CIBAR1: variants seen among roughly 807,000 people sequenced by gnomAD.
The protein encoded by CIBAR1 is CBY1-interacting BAR domain-containing protein 1.
Under a neutral mutation model 44.0 loss-of-function variants are expected in CIBAR1, and 25 were observed. That is an observed-to-expected ratio of 0.57 (90% CI 0.41 to 0.79). The LOEUF (loss-of-function observed/expected upper bound fraction) is 0.79. Ranked by LOEUF, CIBAR1 falls within the 30% of genes least tolerant of loss-of-function variation. The pLI, the probability that CIBAR1 is intolerant of heterozygous loss-of-function variation, is 0.00. For missense variants in CIBAR1, 278 were observed against 344.8 expected, an observed-to-expected ratio of 0.81 and a Z score of 1.53; for synonymous variants, 115 against 119.0, an observed-to-expected ratio of 0.97 and a Z score of 0.22.
chr8:93,727,040 G>A, intron 8 of CIBAR1: 1 of 507,354 alleles, frequency 2.0e-6, no homozygotes, highest in Non-Finnish European at 3.7e-6. Flanking sequence ...GGGCCATATG[G>A]TTTCTACCCC....
intron 7 of CIBAR1, among the ~76,000 whole-genome samples, chr8:93,725,390 A>G (rs904396916): frequency 1.3e-5 from 2 of 152,192 alleles, no homozygotes; most frequent in Non-Finnish European, 2.9e-5. Flanking sequence ...CAGGACAATG[A>G]AAGAGTTTAG....
At chr8:93,725,994 T>C (rs549791370) in intron 7 of CIBAR1, 37 of 157,640 alleles carry the variant, frequency 2.3e-4, no homozygotes, top group South Asian at 3.8e-4. Context: ...TTTACTCTTA[T>C]GTAATTTTCA....
intron 1 of CIBAR1, 91 bp downstream of exon 1, chr8:93,700,764 C>A: frequency 7.2e-7 from 1 of 1,387,074 alleles, no homozygotes. Context: ...GCCTCTGCGC[C>A]GAATTCCGAC....
chr8:93,710,804 T>C (rs2130318174), intron 6 of CIBAR1, among the ~76,000 whole-genome samples: 2 of 141,426 alleles, frequency 1.4e-5, no homozygotes, highest in Middle Eastern at 7.9e-3. Flanking sequence ...GCCACTGCAC[T>C]CCAGCCTGGG....
At chr8:93,727,635 A>G (rs1239193991) in intron 8 of CIBAR1, among the ~76,000 whole-genome samples, 1 of 152,184 alleles carries the variant, frequency 6.6e-6, no homozygotes, top group Non-Finnish European at 1.5e-5. Flanking sequence ...ACACATAAAC[A>G]CACAGCCCCA....
rs762058635 is a variant in CIBAR1 at position 93,700,626 on chromosome 8, C to T, written c.-22C>T. 9 of 1,498,170 alleles carry T rather than the reference C, an allele frequency of 6.0e-6. No individual in the cohort carries two copies. In the South Asian group the frequency reaches 1.1e-4, roughly 19 times the overall value. The allele number at this position is 1,498,170 out of a possible 1,614,324, so 92.8% of individuals were successfully genotyped here. On this transcript the variant is annotated 5_prime_UTR_variant, in exon 1 of 9. Coordinates refer to ENST00000518322, the MANE Select transcript of CIBAR1 (RefSeq NM_145269.5). ...CCCCGTCCTTGGGCCCCCGCAAGGT[C>T]CCCGGCCGTGCGCGAGGCAGCATGA...
intron 8 of CIBAR1, among the ~76,000 whole-genome samples, chr8:93,727,915 T>G (rs1427319744): frequency 6.6e-6 from 1 of 151,946 alleles, no homozygotes; most frequent in Admixed American, 6.6e-5. Context: ...AAATTTATTT[T>G]TAATATTCAT....
rs893497093 is a variant in CIBAR1, at chr8:93,700,968, GCGGAGCAGC to G, written c.27-245_27-237del. ...CAGCCGGGCGCCCAGGCCGCGCTGCGCGGAGCAGCCGGAGCAGCCACCTCCCCAGTTAAG... is the reference window on the plus strand; with the variant it reads ...CAGCCGGGCGCCCAGGCCGCGCTGCGCGGAGCAGCCACCTCCCCAGTTAAG... On this transcript the variant is annotated intron_variant, in intron 1 of 8. Coordinates refer to ENST00000518322, the MANE Select transcript of CIBAR1 (RefSeq NM_145269.5). 6.5e-6 allele frequency: 9 copies of G among 1,384,592 alleles called. No individual in the cohort carries two copies. The East Asian group carries it at 1.1e-4, about 17-fold the overall frequency. The allele number at this position is 1,384,592 out of a possible 1,614,324, so 85.8% of individuals were successfully genotyped here.
At chr8:93,713,344 A>C (rs866668366) in intron 6 of CIBAR1, among the ~76,000 whole-genome samples, 8 of 151,900 alleles carry the variant, frequency 5.3e-5, no homozygotes, top group African/African-American at 1.9e-4. Flanking sequence ...CTTTACCCTT[A>C]TTTTAACTGG....
At chr8:93,725,610 A>AT (rs1811457634) in intron 7 of CIBAR1, among the ~76,000 whole-genome samples, 1 of 146,392 alleles carries the variant, frequency 6.8e-6, no homozygotes, top group East Asian at 2.0e-4. Context: ...TGAGATAACT[A>AT]AAAAAAAAAA....
At chr8:93,726,928 ATTTT>A (rs1275755748) in intron 8 of CIBAR1, among the ~76,000 whole-genome samples, 1 of 152,064 alleles carries the variant, frequency 6.6e-6, no homozygotes, top group Non-Finnish European at 1.5e-5. Context: ...AAATCATTTC[ATTTT>A]TTTTCTATAT....
intron 2 of CIBAR1, chr8:93,702,349 G>A (rs76212329): frequency 2.1e-5 from 8 of 387,692 alleles, no homozygotes; most frequent in South Asian, 9.4e-5. Context: ...TGATAACTGG[G>A]GACTTAATGT....
In CIBAR1 at chr8:93,701,301, C is replaced by A; in HGVS notation, c.104C>A (p.Ala35Asp). 6.2e-7 allele frequency: 1 copy of A among 1,613,882 alleles called. No individual in the cohort carries two copies. Reference sequence around the variant, plus strand: ...TTTGGAGAACTGTGCCAAATCTTCGCTGCCTATGTGCGGAAAACTGCCAGG... The same window carrying A: ...TTTGGAGAACTGTGCCAAATCTTCGATGCCTATGTGCGGAAAACTGCCAGG... ...KHFGELCQIFAAYVRKTARLR... is the reference protein window; with the variant it reads ...KHFGELCQIFDAYVRKTARLR... Residue 35 changes from alanine to aspartate, a missense_variant, in exon 2 of 9, where the codon GCT becomes GAT. This residue lies in a region of CIBAR1 where 183 missense variants were observed against 218.6 expected (regional missense o/e 0.84). Coordinates refer to ENST00000518322, the MANE Select transcript of CIBAR1 (RefSeq NM_145269.5).
At chr8:93,703,763 A>G in intron 3 of CIBAR1, 75 bp downstream of exon 3, 1 of 1,269,866 alleles carries the variant, frequency 7.9e-7, no homozygotes, top group Non-Finnish European at 1.1e-6. Context: ...TGTTTTTTTA[A>G]ATAAGAAATA....
At chr8:93,712,356 A>G (rs1483468577) in intron 6 of CIBAR1, among the ~76,000 whole-genome samples, 2 of 152,200 alleles carry the variant, frequency 1.3e-5, no homozygotes, top group Non-Finnish European at 2.9e-5. Context: ...TTCAAGGCAT[A>G]TCCATGTTGT....
At chr8:93,710,629 T>A (rs559449916) in intron 6 of CIBAR1, among the ~76,000 whole-genome samples, 2 of 151,220 alleles carry the variant, frequency 1.3e-5, no homozygotes, top group East Asian at 3.9e-4. Flanking sequence ...AGGTCAGGAG[T>A]TTGAGACCAG....
In CIBAR1 at chr8:93,701,267, G is replaced by C. The variant is rs1366283548; in HGVS notation, c.70G>C (p.Glu24Gln). Residue 24 changes from glutamate (E) to glutamine (Q), a missense_variant, in exon 2 of 9, where the codon GAG becomes CAG. This residue lies in a region of CIBAR1 where 183 missense variants were observed against 218.6 expected (regional missense o/e 0.84). Coordinates refer to ENST00000518322, the MANE Select transcript of CIBAR1 (RefSeq NM_145269.5). ...KQLQTAVSNVEKHFGELCQIF... is the reference protein window; with the variant it reads ...KQLQTAVSNVQKHFGELCQIF... ...ACTGCAAACAGCTGTCTCAAATGTG[G>C]AGAAGCATTTTGGAGAACTGTGCCA... 1.9e-6 allele frequency: 3 copies of C among 1,613,562 alleles called. No individual in the cohort carries two copies. Among genetic ancestry groups the C allele is most frequent in the Admixed American group, 3.3e-5 (2 of 59,952 alleles).
At chr8:93,711,221 T>A (rs1165592598) in intron 6 of CIBAR1, among the ~76,000 whole-genome samples, 1 of 152,196 alleles carries the variant, frequency 6.6e-6, no homozygotes, top group Admixed American at 6.5e-5. Flanking sequence ...CATCTAAGGC[T>A]CTTTTTGGCT....
Position 93,712,769 on chromosome 8 carries a change from C to T in CIBAR1, c.543+2894C>T, listed in dbSNP as rs568025316. On this transcript the variant is annotated intron_variant, in intron 6 of 8. Coordinates refer to ENST00000518322, the MANE Select transcript of CIBAR1 (RefSeq NM_145269.5). ...GAAGTAGTAGTTTTATTGTAGTAGTCGTCTCATTATAGTTTTGACTTACAT... is the reference window on the plus strand; with the variant it reads ...GAAGTAGTAGTTTTATTGTAGTAGTTGTCTCATTATAGTTTTGACTTACAT... Among the ~76,000 whole-genome samples, 24 of 148,166 alleles carry T rather than the reference C, an allele frequency of 1.6e-4. No homozygotes were observed. The South Asian group carries it at 4.5e-3, about 28-fold the overall frequency.
Sources: allele counts gnomAD v4.1 joint callset (sites outside exome capture counted in the v4.1 genomes callset), GRCh38; gene constraint gnomAD v4.1.1; regional missense constraint gnomAD v4.1.1; transcripts MANE v1.5; gene names NCBI Gene and HGNC (gene_info 2026-07-23, HGNC 2026-07-21).